The following ENTPD7 variants were observed in gnomAD, a reference collection of about 807,000 sequenced individuals.
ENTPD7 encodes ectonucleoside triphosphate diphosphohydrolase 7.
In ENTPD7, 53 loss-of-function variants were observed where a neutral mutation model predicts 77.9. The ratio of observed to expected loss-of-function variants is 0.68; its 90% CI spans 0.55 to 0.85. The LOEUF is 0.85. Among genes scored for constraint, ENTPD7 ranks in the 40% least tolerant of loss-of-function variants. ENTPD7 has a pLI of 0.00. For missense variants in ENTPD7, 636 were observed against 743.7 expected (o/e 0.86, Z 1.68); for synonymous variants, 248 against 274.9 (o/e 0.90, Z 0.97).
At position 99,710,203 on chromosome 10, in the gene ENTPD7, C is replaced by T. The variant is rs548503022; in HGVS notation, c.*5520C>T. On this transcript the variant is annotated 3_prime_UTR_variant, in exon 13 of 13. Transcript: ENST00000370489. The stretch of plus-strand genomic sequence containing the variant: ...GTGGCCCCTCCTACAGAGCACTTGC[C>T]GGCATTTGGCCTGCTGCTGGTGAAG... The T allele has an allele frequency of 3.1e-4, 301 of 985,394 alleles. No homozygotes were observed. In the African/African-American group the frequency reaches 4.3e-3, roughly 14 times the overall value. 61.0% of individuals were successfully genotyped at this position (985,394 alleles called of 1,614,324 possible).
In ENTPD7 at chr10:99,706,425, T is replaced by G. The variant is rs2133536736; in HGVS notation, c.*1742T>G. ...ATCATGGCTCACCGCAGCCTCAACCTCCTGGGCTCAAACAGTCCTCCCAAC... is the reference window on the plus strand; with the variant it reads ...ATCATGGCTCACCGCAGCCTCAACCGCCTGGGCTCAAACAGTCCTCCCAAC... On this transcript the variant is annotated 3_prime_UTR_variant, in exon 13 of 13. Transcript: ENST00000370489. 6.6e-6 allele frequency among the ~76,000 whole-genome samples: 1 copy of G among 151,612 alleles called. No homozygotes were observed. Among genetic ancestry groups the G allele is most frequent in the African/African-American group, 2.4e-5 (1 of 41,302 alleles).
At position 99,659,630 on chromosome 10, in the gene ENTPD7, G is replaced by C. The variant is rs1182330137; in HGVS notation, c.-96+42G>C. On this transcript the variant is annotated intron_variant, in intron 1 of 12. Coordinates refer to ENST00000370489, the MANE Select transcript of ENTPD7 (RefSeq NM_020354.5). The surrounding 1 kb of genome is among the most constrained non-coding windows in gnomAD (Gnocchi z 4.1). ...GAGGGCTGTGGGACCCGGAGGGACG[G>C]GGAGAGGAAGCGGGACCCACACCCC... is the stretch of plus-strand genomic sequence containing the variant. 4.1e-6 allele frequency: 1 copy of C among 244,262 alleles called. No homozygotes were observed. The highest frequency in any genetic ancestry group is 2.3e-5 in the African/African-American group (1 of 44,286). The allele number at this position is 244,262 out of a possible 1,614,324, so 15.1% of individuals were successfully genotyped here.
intron 5 of ENTPD7, among the ~76,000 whole-genome samples, chr10:99,684,053 A>G: frequency 6.6e-6 from 1 of 152,028 alleles, no homozygotes; most frequent in East Asian, 1.9e-4. Context: ...TTGTACTAGT[A>G]ATTTATTTAT....
intron 3 of ENTPD7, among the ~76,000 whole-genome samples, chr10:99,663,291 A>G (rs1286748549): frequency 6.6e-6 from 1 of 151,850 alleles, no homozygotes; most frequent in Non-Finnish European, 1.5e-5. Flanking sequence ...ATGATGCTTC[A>G]CTGTCTTTTG....
At position 99,708,426 on chromosome 10, in the gene ENTPD7, C is replaced by T. The variant is rs1185088055; in HGVS notation, c.*3743C>T. On this transcript the variant is annotated 3_prime_UTR_variant, in exon 13 of 13. Coordinates refer to ENST00000370489, the MANE Select transcript of ENTPD7 (RefSeq NM_020354.5). ...TTAAGGGAAAGAACAGTAGGCTTAA[C>T]GAATAGCAGACCTGGATTCTAGTTC... Among the ~76,000 whole-genome samples, 1 of 152,144 alleles carries T rather than the reference C, an allele frequency of 6.6e-6. No homozygotes were observed. The highest frequency in any genetic ancestry group is 1.9e-4 in the East Asian group (1 of 5,204).
At chr10:99,664,158 G>A (rs1264642233) in intron 3 of ENTPD7, among the ~76,000 whole-genome samples, 4 of 151,968 alleles carry the variant, frequency 2.6e-5, no homozygotes, top group African/African-American at 9.7e-5. Context: ...TTTCTTTATA[G>A]CAGTGATTCA....
At chr10:99,672,844 C>T (rs1590040298) in intron 3 of ENTPD7, among the ~76,000 whole-genome samples, 2 of 152,178 alleles carry the variant, frequency 1.3e-5, no homozygotes, top group Non-Finnish European at 2.9e-5. Context: ...GCCCCATACT[C>T]ATGGGGGCTA....
rs183633106 is a variant in ENTPD7, at chr10:99,698,853, G to A, written c.1330G>A (p.Ala444Thr). Reference protein sequence around the residue: ...RYHGPTFAKAAQDYCGMAWSV... With the variant: ...RYHGPTFAKATQDYCGMAWSV... ...CCATGGGCCAACATTTGCCAAGGCT[G>A]CTCAGGTAAATTATTAATGATAAAC... is the stretch of plus-strand genomic sequence containing the variant. The change falls in exon 10 of 13, where the codon GCT (alanine) becomes ACT (threonine). Residue 444 changes from alanine (A) to threonine (T), a missense_variant. Around this residue, in one of 3 missense-constraint regions of ENTPD7, gnomAD observed 486 missense variants for 556.5 expected, o/e 0.87. Transcript: ENST00000370489. 30 of 1,593,140 alleles carry A rather than the reference G, an allele frequency of 1.9e-5. No homozygotes were observed. In the Admixed American group the frequency reaches 4.0e-4, roughly 21 times the overall value.
At position 99,707,007 on chromosome 10, in the gene ENTPD7, C is replaced by A. The variant is rs1031730467; in HGVS notation, c.*2324C>A. ...TTCTTCATCCTGGCTGTAATAATAG[C>A]CATTATTTGTTATGCCTTTGTTATG... On this transcript the variant is annotated 3_prime_UTR_variant, in exon 13 of 13. Coordinates refer to ENST00000370489, the MANE Select transcript of ENTPD7 (RefSeq NM_020354.5). Among the ~76,000 whole-genome samples the A allele has an allele frequency of 6.6e-6, 1 of 152,036 alleles. No individual in the cohort carries two copies. Among genetic ancestry groups the A allele is most frequent in the African/African-American group, 2.4e-5 (1 of 41,390 alleles).
At chr10:99,691,085 C>T (rs1218250459) in intron 7 of ENTPD7, among the ~76,000 whole-genome samples, 1 of 152,076 alleles carries the variant, frequency 6.6e-6, no homozygotes, top group East Asian at 1.9e-4. Flanking sequence ...CTCTTGGGCA[C>T]AAATGATCCT....
At chr10:99,688,849 C>CT (rs1232822422) in intron 7 of ENTPD7, 99 bp downstream of exon 7, 31 of 1,181,432 alleles carry the variant, frequency 2.6e-5, no homozygotes, top group Non-Finnish European at 3.5e-5. Flanking sequence ...AGTTGTTTTT[C>CT]TTTTTTCAAA....
intron 4 of ENTPD7, 30 bp downstream of exon 4, chr10:99,679,496 T>C (rs775176465): frequency 6.3e-7 from 1 of 1,577,014 alleles, no homozygotes; most frequent in South Asian, 1.2e-5. Context: ...TTGTTGTCAG[T>C]CTCTTTTAAG....
chr10:99,703,960 A>C (rs2133528154), intron 12 of ENTPD7, among the ~76,000 whole-genome samples: 1 of 152,268 alleles, frequency 6.6e-6, no homozygotes, highest in South Asian at 2.1e-4. Flanking sequence ...TCCTGGCTTC[A>C]AGCAATTCTC....
chr10:99,709,868 G>C lies in ENTPD7; in HGVS notation c.*5185G>C, dbSNP rs1386658040. 7 of 985,394 alleles carry C rather than the reference G, an allele frequency of 7.1e-6. No homozygotes were observed. Among genetic ancestry groups the C allele is most frequent in the Non-Finnish European group, 8.4e-6 (7 of 829,888 alleles). 61.0% of individuals were successfully genotyped at this position (985,394 alleles called of 1,614,324 possible). On this transcript the variant is annotated 3_prime_UTR_variant, in exon 13 of 13. Coordinates refer to ENST00000370489, the MANE Select transcript of ENTPD7 (RefSeq NM_020354.5). ...GGGACGAGGAAGGAATAACACACCAGTTGACCATTTTGTTTCTCTGAAAAT... is the reference window on the plus strand; with the variant it reads ...GGGACGAGGAAGGAATAACACACCACTTGACCATTTTGTTTCTCTGAAAAT...
chr10:99,709,896 G>A lies in ENTPD7; in HGVS notation c.*5213G>A, dbSNP rs976739476. 6 of 985,294 alleles carry A rather than the reference G, an allele frequency of 6.1e-6. No homozygotes were observed. The African/African-American group carries it at 1.0e-4, about 17-fold the overall frequency. The allele number at this position is 985,294 out of a possible 1,614,324, so 61.0% of individuals were successfully genotyped here. A position where few individuals can be genotyped will look rare whatever the true frequency, so the allele number is the denominator to read the frequency against. On this transcript the variant is annotated 3_prime_UTR_variant, in exon 13 of 13. Coordinates refer to ENST00000370489, the MANE Select transcript of ENTPD7 (RefSeq NM_020354.5). Reference sequence around the variant, plus strand: ...GACCATTTTGTTTCTCTGAAAATCTGAGCAATACGGAGATCCTTTTATTAG... The same window carrying A: ...GACCATTTTGTTTCTCTGAAAATCTAAGCAATACGGAGATCCTTTTATTAG...
At chr10:99,680,309 G>A (rs2035736505) in intron 5 of ENTPD7, among the ~76,000 whole-genome samples, 1 of 152,054 alleles carries the variant, frequency 6.6e-6, no homozygotes, top group Non-Finnish European at 1.5e-5. Flanking sequence ...ATTGCCTTAG[G>A]CCTGTTTTCT....
chr10:99,674,053 G>T (rs1370549918), intron 3 of ENTPD7, among the ~76,000 whole-genome samples: 1 of 152,186 alleles, frequency 6.6e-6, no homozygotes, highest in Non-Finnish European at 1.5e-5. Context: ...GAAGGAAGAG[G>T]CCTTTTCAAA....
chr10:99,684,608 G>A (rs2300980), intron 5 of ENTPD7, among the ~76,000 whole-genome samples: 1 of 152,002 alleles, frequency 6.6e-6, no homozygotes, highest in Non-Finnish European at 1.5e-5. Flanking sequence ...TCACTTTGAA[G>A]TGCTAACAAC....
chr10:99,687,021 G>A (rs905027664), intron 6 of ENTPD7, among the ~76,000 whole-genome samples: 5 of 149,778 alleles, frequency 3.3e-5, no homozygotes, highest in Admixed American at 1.3e-4. Flanking sequence ...GGGTTCAAGC[G>A]ATTCTCCTGC....
Sources: allele counts gnomAD v4.1 joint callset (sites outside exome capture counted in the v4.1 genomes callset), GRCh38; gene constraint gnomAD v4.1.1; regional missense constraint gnomAD v4.1.1; non-coding constraint Gnocchi (gnomAD v3.1); transcripts MANE v1.5; gene names NCBI Gene and HGNC (gene_info 2026-07-23, HGNC 2026-07-21).